STOML3: variants seen among roughly 807,000 people sequenced by gnomAD.
The protein encoded by STOML3 is stomatin like 3.
STOML3 carries 31 observed loss-of-function variants against 29.5 expected under a neutral mutation model. The ratio of observed to expected loss-of-function variants is 1.05; its 90% CI spans 0.79 to 1.42. The LOEUF (loss-of-function observed/expected upper bound fraction) is 1.42, where lower values mean the gene tolerates loss of function less well. Among genes scored for constraint, STOML3 ranks in the 40% most tolerant of loss-of-function variants. The pLI is 0.00. For missense variants in STOML3, 380 were observed against 363.0 expected (o/e 1.05, Z -0.38); for synonymous variants, 122 against 139.8 (o/e 0.87, Z 0.90).
intron 1 of STOML3, among the ~76,000 whole-genome samples, chr13:38,984,705 C>T (rs940932273): frequency 3.3e-5 from 5 of 152,186 alleles, no homozygotes; most frequent in African/African-American, 1.2e-4. Context: ...CTCACAATGA[C>T]AAAATCACCT....
At chr13:38,968,641 C>A (rs1488343475) in intron 5 of STOML3, 107 bp from the exon 6 acceptor site, 1 of 1,362,790 alleles carries the variant, frequency 7.3e-7, no homozygotes, top group Admixed American at 2.3e-5. Context: ...TTTTCTTTTT[C>A]TTTTGCATTT....
chr13:38,989,565 C>T (rs1045880765), intron 1 of STOML3, among the ~76,000 whole-genome samples: 5 of 151,762 alleles, frequency 3.3e-5, no homozygotes, highest in Non-Finnish European at 7.4e-5. Flanking sequence ...TACAGTGGTG[C>T]AATCTCAGCT....
At chr13:38,990,352 T>C (rs1186597492) in intron 1 of STOML3, among the ~76,000 whole-genome samples, 2 of 152,004 alleles carry the variant, frequency 1.3e-5, no homozygotes, top group Admixed American at 6.6e-5. Flanking sequence ...TATAGACTGC[T>C]GTTCAAGAAG....
At chr13:38,968,626 CT>C (rs1055970594) in intron 5 of STOML3, 92 bp from the exon 6 acceptor site, 56 of 1,455,130 alleles carry the variant, frequency 3.8e-5, no homozygotes, top group East Asian at 7.0e-5. Flanking sequence ...ATACATTTTT[CT>C]TTTTTTTCTT....
rs563608880 is a variant in STOML3, at chr13:38,966,813, C to T, written c.*12G>A. 4.7e-5 allele frequency: 76 copies of T among 1,608,852 alleles called. 1 individual carries two copies. Among genetic ancestry groups the T allele is most frequent in the South Asian group, 1.3e-4 (12 of 90,904 alleles). On this transcript the variant is annotated 3_prime_UTR_variant, in exon 7 of 7. Transcript: ENST00000379631. Reference sequence around the variant, plus strand: ...CACTCTCTATGCAATAGCTGACTACCGCAAGAGGACCTCAGGCTTTATTTG... The same window carrying T: ...CACTCTCTATGCAATAGCTGACTACTGCAAGAGGACCTCAGGCTTTATTTG...
In STOML3 at chr13:38,966,783, G is replaced by GAC. The variant is rs770376465; in HGVS notation, c.*40_*41dup. ...AACTACTGGCTTCTCCATAGGAATA[G>GAC]ACACCACTCTCTATGCAATAGCTGA... On this transcript the variant is annotated 3_prime_UTR_variant, in exon 7 of 7. Transcript: ENST00000379631. 3 of 1,541,534 alleles carry GAC rather than the reference G, an allele frequency of 1.9e-6. No individual in the cohort carries two copies. The highest frequency in any genetic ancestry group is 2.7e-6 in the Non-Finnish European group (3 of 1,117,522).
chr13:38,988,314 AATATATTATATTTTATATAT>A lies in STOML3; in HGVS notation c.52+2336_52+2355del, dbSNP rs1566211652. ...ATTTTATATCATATATTTTATATAT[AATATATTATATTTTATATAT>A]AATATATTATATTTTATATCATATA... On this transcript the variant is annotated intron_variant, in intron 1 of 6. Coordinates refer to ENST00000379631, the MANE Select transcript of STOML3 (RefSeq NM_145286.3). 1.3e-4 allele frequency among the ~76,000 whole-genome samples: 9 copies of A among 68,436 alleles called. 1 individual carries two copies. The highest frequency in any genetic ancestry group is 6.9e-4 in the African/African-American group (9 of 12,994). The allele number at this position is 68,436 out of a possible 152,430, so 44.9% of individuals were successfully genotyped here.
chr13:38,977,750 A>ATTTTTGTTTTTTTTTTTTTTTTTT (rs1881131394), intron 1 of STOML3, among the ~76,000 whole-genome samples: 1 of 84,186 alleles, frequency 1.2e-5, no homozygotes, highest in Non-Finnish European at 2.3e-5. Context: ...AAGTCTCCGG[A>ATTTTTGTTTTTTTTTTTTTTTTTT]TTTTTTTTTT....
At position 38,966,652 on chromosome 13, in the gene STOML3, G is replaced by T; in HGVS notation, c.*173C>A. On this transcript the variant is annotated 3_prime_UTR_variant, in exon 7 of 7. Coordinates refer to ENST00000379631, the MANE Select transcript of STOML3 (RefSeq NM_145286.3). ...AAAGTAATATACAGGTCTCATTTTT[G>T]CTCTTTTTTTCTTCTCTGTATAGCC... The T allele has an allele frequency of 1.3e-5, 7 of 546,672 alleles. No individual in the cohort carries two copies. Among genetic ancestry groups the T allele is most frequent in the African/African-American group, 1.9e-5 (1 of 53,048 alleles). 33.9% of individuals were successfully genotyped at this position (546,672 alleles called of 1,614,324 possible). A position where few individuals can be genotyped will look rare whatever the true frequency, so the allele number is the denominator to read the frequency against.
At chr13:38,988,124 T>A (rs1433901323) in intron 1 of STOML3, among the ~76,000 whole-genome samples, 22 of 82,328 alleles carry the variant, frequency 2.7e-4, no homozygotes, top group East Asian at 7.8e-4. Context: ...ATTTTATATA[T>A]TATATTTTAT....
chr13:38,985,386 G>A (rs1266698142), intron 1 of STOML3, among the ~76,000 whole-genome samples: 2 of 152,096 alleles, frequency 1.3e-5, no homozygotes, highest in East Asian at 3.9e-4. Flanking sequence ...TCGCGCTACT[G>A]CATTCCAGCC....
At chr13:38,981,925 C>T (rs1030629329) in intron 1 of STOML3, among the ~76,000 whole-genome samples, 1 of 152,138 alleles carries the variant, frequency 6.6e-6, no homozygotes, top group Admixed American at 6.6e-5. Flanking sequence ...TACCTGAGAG[C>T]AATGACTACT....
intron 1 of STOML3, among the ~76,000 whole-genome samples, chr13:38,980,453 A>G (rs1190117269): frequency 6.6e-6 from 1 of 152,198 alleles, no homozygotes. Context: ...TCTGACTGAA[A>G]GGATATGCTG....
At position 38,976,724 on chromosome 13, in the gene STOML3, G is replaced by T; in HGVS notation, c.126C>A (p.Thr42=). The T allele has an allele frequency of 6.2e-7, 1 of 1,613,976 alleles. No individual in the cohort carries two copies. Among genetic ancestry groups the T allele is most frequent in the Non-Finnish European group, 8.5e-7 (1 of 1,179,972 alleles). ...AGCACATCCATATGGAGATGGGGAA[G>T]GTAATGATCACCAACAGGAAAGAGA... The part of the protein sequence containing the change: ...FSLSFLLVII[T]FPISIWMCLK... Residue 42 remains threonine, a synonymous_variant, in exon 2 of 7, where the codon ACC becomes ACA. Transcript: ENST00000379631.
At position 38,988,286 on chromosome 13, in the gene STOML3, T is replaced by G. The variant is rs181868077; in HGVS notation, c.52+2384A>C. ...ATCATATATTATATATAAAATATAT[T>G]ATATTTTATATCATATATTTTATAT... On this transcript the variant is annotated intron_variant, in intron 1 of 6. Coordinates refer to ENST00000379631, the MANE Select transcript of STOML3 (RefSeq NM_145286.3). Among the ~76,000 whole-genome samples the G allele has an allele frequency of 3.8e-3, 290 of 76,464 alleles. 33 individuals carry two copies. The highest frequency in any genetic ancestry group is 0.02 in the African/African-American group (266 of 13,408). The allele number at this position is 76,464 out of a possible 152,430, so 50.2% of individuals were successfully genotyped here. A position where few individuals can be genotyped will look rare whatever the true frequency, so the allele number is the denominator to read the frequency against.
intron 1 of STOML3, among the ~76,000 whole-genome samples, chr13:38,986,651 A>G (rs1276122601): frequency 6.6e-6 from 1 of 152,170 alleles, no homozygotes; most frequent in African/African-American, 2.4e-5. Context: ...CGAGGGGTAA[A>G]CATTATCTTT....
chr13:38,971,403 T>C (rs1294205067), intron 4 of STOML3, among the ~76,000 whole-genome samples: 7 of 152,196 alleles, frequency 4.6e-5, no homozygotes, highest in Admixed American at 4.6e-4. Flanking sequence ...TGAGTCCTGG[T>C]TGAGTTTCCT....
At chr13:38,975,945 A>G (rs1881058824) in intron 3 of STOML3, among the ~76,000 whole-genome samples, 1 of 152,184 alleles carries the variant, frequency 6.6e-6, no homozygotes, top group Non-Finnish European at 1.5e-5. Flanking sequence ...CTGAAAACTC[A>G]TCTTTATTTC....
chr13:38,966,003 A>G lies in STOML3; in HGVS notation c.*822T>C, dbSNP rs1880627585. 1 of 152,186 alleles carries G rather than the reference A, an allele frequency of 6.6e-6. No individual in the cohort carries two copies. The highest frequency in any genetic ancestry group is 6.5e-5 in the Admixed American group (1 of 15,278). The allele number at this position is 152,186 out of a possible 1,614,324, so 9.4% of individuals were successfully genotyped here. Reference sequence around the variant, plus strand: ...TTGGCAGGTGGGGGAGGGGATGTGGATAGAGTTCACAAACATTCTCGATTA... The same window carrying G: ...TTGGCAGGTGGGGGAGGGGATGTGGGTAGAGTTCACAAACATTCTCGATTA... On this transcript the variant is annotated 3_prime_UTR_variant, in exon 7 of 7. Coordinates refer to ENST00000379631, the MANE Select transcript of STOML3 (RefSeq NM_145286.3).
Sources: allele counts gnomAD v4.1 joint callset (sites outside exome capture counted in the v4.1 genomes callset), GRCh38; gene constraint gnomAD v4.1.1; transcripts MANE v1.5; gene names NCBI Gene and HGNC (gene_info 2026-07-23, HGNC 2026-07-21).